The following TULP2 variants were observed in gnomAD, a reference collection of about 807,000 sequenced individuals.
The protein encoded by TULP2 is TUB like protein 2.
TULP2 carries 64 observed loss-of-function variants against 60.3 expected under a neutral mutation model. That is an observed-to-expected ratio of 1.06 (90% CI 0.87 to 1.31). The LOEUF (loss-of-function observed/expected upper bound fraction) is 1.31, where lower values mean the gene tolerates loss of function less well. Ranked by LOEUF, TULP2 falls within the 50% of genes most tolerant of loss-of-function variation. TULP2 has a pLI of 0.00. For missense variants in TULP2, 652 were observed against 667.0 expected, an observed-to-expected ratio of 0.98 and a Z score of 0.25; for synonymous variants, 267 against 265.4, an observed-to-expected ratio of 1.01 and a Z score of -0.06.
intron 7 of TULP2, among the ~76,000 whole-genome samples, chr19:48,888,740 G>A (rs2037206052): frequency 1.3e-5 from 2 of 151,972 alleles, no homozygotes; most frequent in Non-Finnish European, 2.9e-5. Context: ...TCCTGCCTCA[G>A]CCTCCCAAGT....
chr19:48,888,422 G>T (rs1289026012), intron 7 of TULP2, among the ~76,000 whole-genome samples, 161 bp from the exon 8 acceptor site: 1 of 152,146 alleles, frequency 6.6e-6, no homozygotes, highest in East Asian at 1.9e-4. Flanking sequence ...GCCCTCCTCT[G>T]TTGACTGGCC....
At chr19:48,896,404 G>T (rs1342204324) in intron 4 of TULP2, 26 bp downstream of exon 4, 2 of 1,570,666 alleles carry the variant, frequency 1.3e-6, no homozygotes, top group South Asian at 2.3e-5. Flanking sequence ...CCCTCCAGGC[G>T]AACGCCCCCA....
intron 8 of TULP2, 95 bp downstream of exon 8, chr19:48,887,855 G>A (rs2037195853): frequency 4.3e-6 from 6 of 1,381,708 alleles, no homozygotes; most frequent in Non-Finnish European, 5.0e-6. Context: ...ACTGTGCCCA[G>A]CCCCAGGCTG....
chr19:48,892,595 C>T (rs2037243455), intron 6 of TULP2, among the ~76,000 whole-genome samples: 1 of 151,856 alleles, frequency 6.6e-6, no homozygotes. Context: ...GCTCTGCCTC[C>T]CGGGTTCACG....
At chr19:48,883,496 G>A (rs1026977333) in intron 11 of TULP2, among the ~76,000 whole-genome samples, 3 of 152,072 alleles carry the variant, frequency 2.0e-5, no homozygotes, top group African/African-American at 7.2e-5. Context: ...ACCCTCTCTT[G>A]GAGTCTGGAT....
chr19:48,881,585 G>A (rs552865001), intron 12 of TULP2, among the ~76,000 whole-genome samples: 5 of 151,816 alleles, frequency 3.3e-5, no homozygotes, highest in Non-Finnish European at 7.4e-5. Flanking sequence ...GGGTTTCACC[G>A]TGTTAGTCAG....
chr19:48,888,058 C>A lies in TULP2; in HGVS notation c.840G>T (p.Ala280=), dbSNP rs34903808. ...AGCACTGCATCATGGTGCCCGGGAG[C>A]GCTGGCCGCAGCACGTAGGCTTCCA... ...EDMEAYVLRP[A]LPGTMMQCYL... The change falls in exon 8 of 13, where the codon GCG becomes GCT. Residue 280 remains alanine (A), a synonymous_variant. Coordinates refer to ENST00000221399, the MANE Select transcript of TULP2 (RefSeq NM_003323.3). 6,092 of 1,614,152 alleles carry A rather than the reference C, an allele frequency of 3.8e-3. 83 individuals carry two copies. In the African/African-American group the frequency reaches 0.04, roughly 11 times the overall value.
intron 7 of TULP2, 76 bp from the exon 8 acceptor site, chr19:48,888,337 G>T: frequency 6.9e-7 from 1 of 1,450,296 alleles, no homozygotes; most frequent in Non-Finnish European, 9.3e-7. Context: ...GACCATCCCA[G>T]CCCTAGGGTC....
At chr19:48,889,884 T>A (rs956005120) in intron 6 of TULP2, among the ~76,000 whole-genome samples, 1 of 151,924 alleles carries the variant, frequency 6.6e-6, no homozygotes, top group Non-Finnish European at 1.5e-5. Context: ...TCCTAAAGAG[T>A]CATCACCACT....
At position 48,888,031 on chromosome 19, in the gene TULP2, G is replaced by T; in HGVS notation, c.867C>A (p.Tyr289Ter). Residue 289 changes from tyrosine to a stop codon, truncating the protein, a stop_gained, in exon 8 of 13, where the codon TAC (tyrosine) becomes TAA (stop). Transcript: ENST00000221399. LOFTEE classifies it high-confidence loss of function. ...CCACGCCGTGCTTGTCACGGGTGAG[G>T]TAGCACTGCATCATGGTGCCCGGGA... Reference protein sequence around the residue: ...PALPGTMMQCYLTRDKHGVDK... With the variant: ...PALPGTMMQC 1 of 1,614,224 alleles carries T rather than the reference G, an allele frequency of 6.2e-7. No individual in the cohort carries two copies. Among genetic ancestry groups the T allele is most frequent in the Non-Finnish European group, 8.5e-7 (1 of 1,180,042 alleles).
chr19:48,893,963 A>G (rs1273483001), intron 6 of TULP2, among the ~76,000 whole-genome samples: 1 of 152,176 alleles, frequency 6.6e-6, no homozygotes, highest in African/African-American at 2.4e-5. Flanking sequence ...CAGGCTCCAC[A>G]TCCCCACTGC....
In TULP2 at chr19:48,892,567, G is replaced by A. The variant is rs575994580; in HGVS notation, c.514+2431C>T. On this transcript the variant is annotated intron_variant, in intron 6 of 12. Coordinates refer to ENST00000221399, the MANE Select transcript of TULP2 (RefSeq NM_003323.3). The stretch of plus-strand genomic sequence containing the variant: ...CACCCAGGCTGGAGTGCAGTGGCGC[G>A]ATCTCAGCTCACTGCAAGCTCTGCC... 8.0e-3 allele frequency among the ~76,000 whole-genome samples: 1,209 copies of A among 151,434 alleles called. 18 individuals are homozygous for A. Among genetic ancestry groups the A allele is most frequent in the Non-Finnish European group, 0.012 (812 of 67,912 alleles).
chr19:48,894,380 T>C (rs1008026895), intron 6 of TULP2, among the ~76,000 whole-genome samples: 2 of 152,024 alleles, frequency 1.3e-5, no homozygotes, highest in African/African-American at 2.4e-5. Flanking sequence ...TGATGGTTTA[T>C]GCCTGTAATC....
chr19:48,885,012 TG>T (rs1246875254), intron 9 of TULP2, among the ~76,000 whole-genome samples: 2 of 144,982 alleles, frequency 1.4e-5, no homozygotes, highest in Non-Finnish European at 3.0e-5. Flanking sequence ...GTGATTCTCC[TG>T]CATCAGCCTC....
Position 48,897,251 on chromosome 19 carries a change from G to T in TULP2, c.84+94C>A. On this transcript the variant is annotated intron_variant, in intron 3 of 12. Transcript: ENST00000221399. This position sits in a 1 kb window ranked among gnomAD's most constrained non-coding sequence, Gnocchi z 4.0. Reference sequence around the variant, plus strand: ...TCAAGGATGAGAGACAGCCAACACGGGCTGGGAGTCCTAGAGCAAGACCTG... The same window carrying T: ...TCAAGGATGAGAGACAGCCAACACGTGCTGGGAGTCCTAGAGCAAGACCTG... 7.3e-7 allele frequency: 1 copy of T among 1,368,848 alleles called. No individual in the cohort carries two copies. The highest frequency in any genetic ancestry group is 1.0e-6 in the Non-Finnish European group (1 of 972,876). The allele number at this position is 1,368,848 out of a possible 1,614,324, so 84.8% of individuals were successfully genotyped here.
chr19:48,889,346 G>C (rs1430914005), intron 7 of TULP2, among the ~76,000 whole-genome samples, 164 bp downstream of exon 7: 1 of 146,460 alleles, frequency 6.8e-6, no homozygotes, highest in Admixed American at 6.7e-5. Flanking sequence ...ACACACACAT[G>C]CACGCACGCA....
At chr19:48,887,158 C>T (rs149401851) in intron 8 of TULP2, among the ~76,000 whole-genome samples, 3,162 of 150,912 alleles carry the variant, frequency 0.021, 109 homozygotes, top group African/African-American at 0.074. Context: ...ATTACAGGCG[C>T]CCACAACCAC....
intron 6 of TULP2, among the ~76,000 whole-genome samples, chr19:48,891,991 G>A (rs143981294): frequency 2.6e-5 from 4 of 152,202 alleles, no homozygotes; most frequent in East Asian, 3.8e-4. Context: ...CAGTATTGCC[G>A]CCATGATGTC....
At position 48,883,870 on chromosome 19, in the gene TULP2, C is replaced by T. The variant is rs754594732; in HGVS notation, c.1177-18G>A. ...TTGGGCTCCTGGGGGTATTACATTC[C>T]AGTTGGCCTGGTTCCTTCTTCTGAC... On this transcript the variant is annotated intron_variant, in intron 10 of 12. Transcript: ENST00000221399. The T allele has an allele frequency of 2.5e-6, 4 of 1,614,048 alleles. No individual in the cohort carries two copies. In the East Asian group the frequency reaches 8.9e-5, roughly 36 times the overall value.
Sources: allele counts gnomAD v4.1 joint callset (sites outside exome capture counted in the v4.1 genomes callset), GRCh38; gene constraint gnomAD v4.1.1; non-coding constraint Gnocchi (gnomAD v3.1); transcripts MANE v1.5; gene names NCBI Gene and HGNC (gene_info 2026-07-23, HGNC 2026-07-21).